NXPE2: variants seen among roughly 807,000 people sequenced by gnomAD.
The protein encoded by NXPE2 is NXPE family member 2.
In NXPE2, 34 loss-of-function variants were observed where a neutral mutation model predicts 34.4. That is an observed-to-expected ratio of 0.99 (90% CI 0.75 to 1.31). The LOEUF (loss-of-function observed/expected upper bound fraction) is 1.31, where lower values mean the gene tolerates loss of function less well. Among genes scored for constraint, NXPE2 ranks in the 40% most tolerant of loss-of-function variants. The pLI is 0.00. For missense variants in NXPE2, 649 were observed against 672.5 expected, an observed-to-expected ratio of 0.97 and a Z score of 0.39; for synonymous variants, 235 against 231.3, an observed-to-expected ratio of 1.02 and a Z score of -0.15.
chr11:114,781,596 G>T, the NXPE2 span, among the ~76,000 whole-genome samples: 5,983 of 152,212 alleles, frequency 0.039, 388 homozygotes, highest in African/African-American at 0.13. Context: ...TAGAAAATAT[G>T]ACCAGGGGCA....
the NXPE2 span, among the ~76,000 whole-genome samples, chr11:114,752,565 TAAAAG>T: frequency 2.0e-5 from 3 of 151,956 alleles, no homozygotes; most frequent in Admixed American, 6.6e-5. Context: ...TCCAGGGTGA[TAAAAG>T]AGGAGGTGCT....
At chr11:114,533,562 C>T in the NXPE2 span, among the ~76,000 whole-genome samples, 1 of 152,188 alleles carries the variant, frequency 6.6e-6, no homozygotes, top group Non-Finnish European at 1.5e-5. Flanking sequence ...CAGATGGCAC[C>T]TGGAAAATCG....
the NXPE2 span, among the ~76,000 whole-genome samples, chr11:114,565,007 C>A: frequency 1.3e-5 from 2 of 152,132 alleles, no homozygotes; most frequent in Non-Finnish European, 2.9e-5. Flanking sequence ...TTTCCAGGAA[C>A]CATTTGTATT....
chr11:114,551,773 A>T, the NXPE2 span, among the ~76,000 whole-genome samples: 1 of 152,146 alleles, frequency 6.6e-6, no homozygotes, highest in African/African-American at 2.4e-5. Context: ...AGATGATCCA[A>T]TAAGGCTGGG....
At chr11:114,638,377 T>G in the NXPE2 span, among the ~76,000 whole-genome samples, 3 of 152,148 alleles carry the variant, frequency 2.0e-5, no homozygotes, top group South Asian at 6.2e-4. Flanking sequence ...AAATTTTTTT[T>G]CAAAGTTTTT....
At chr11:114,522,036 C>T in the NXPE2 span, 72 of 1,613,738 alleles carry the variant, frequency 4.5e-5, no homozygotes, top group South Asian at 8.8e-5. Flanking sequence ...TGGATAGTGT[C>T]AGTGCCATAT....
At chr11:114,759,123 TTC>T in the NXPE2 span, among the ~76,000 whole-genome samples, 1 of 151,758 alleles carries the variant, frequency 6.6e-6, no homozygotes. Flanking sequence ...CTCTGTCTCT[TTC>T]TCTCTCTCTC....
intron 2 of NXPE2, among the ~76,000 whole-genome samples, chr11:114,685,741 A>G (rs1951033708): frequency 6.6e-6 from 1 of 152,070 alleles, no homozygotes; most frequent in Non-Finnish European, 1.5e-5. Flanking sequence ...TGCTACTACT[A>G]TTTTAAAGAG....
chr11:114,797,884 C>T, the NXPE2 span, among the ~76,000 whole-genome samples: 1 of 152,206 alleles, frequency 6.6e-6, no homozygotes. Context: ...AGTGTCAGAA[C>T]TAGACAAGTC....
At chr11:114,554,842 G>A in the NXPE2 span, among the ~76,000 whole-genome samples, 1 of 152,062 alleles carries the variant, frequency 6.6e-6, no homozygotes, top group Non-Finnish European at 1.5e-5. Context: ...TCCCATTCAG[G>A]TTCACAGGCC....
chr11:114,714,599 G>C, the NXPE2 span, among the ~76,000 whole-genome samples: 3 of 152,272 alleles, frequency 2.0e-5, no homozygotes, highest in East Asian at 5.8e-4. Context: ...CCACCTCTCG[G>C]CTCTGCAGTT....
chr11:114,533,320 C>A, the NXPE2 span, among the ~76,000 whole-genome samples: 1 of 152,118 alleles, frequency 6.6e-6, no homozygotes. Context: ...GCCAAGATGG[C>A]AGAATAAGAA....
the NXPE2 span, among the ~76,000 whole-genome samples, chr11:114,625,915 G>A: frequency 6.6e-6 from 1 of 152,164 alleles, no homozygotes; most frequent in African/African-American, 2.4e-5. Flanking sequence ...AGGGGTGACA[G>A]ACGGCACCTG....
the NXPE2 span, among the ~76,000 whole-genome samples, chr11:114,799,700 CAAGG>C: frequency 1.3e-5 from 2 of 152,182 alleles, no homozygotes; most frequent in African/African-American, 4.8e-5. Flanking sequence ...TAAACAGCAA[CAAGG>C]AAGTGTGAGG....
chr11:114,499,621 A>G, the NXPE2 span, among the ~76,000 whole-genome samples: 1 of 152,182 alleles, frequency 6.6e-6, no homozygotes, highest in East Asian at 1.9e-4. Flanking sequence ...TGAATTTTTT[A>G]ATGAAGTAAA....
chr11:114,667,484 C>T, the NXPE2 span, among the ~76,000 whole-genome samples: 2 of 151,986 alleles, frequency 1.3e-5, no homozygotes, highest in East Asian at 3.9e-4. Flanking sequence ...GAAGTGGAAC[C>T]CAATTCCCCA....
At chr11:114,543,550 A>G in the NXPE2 span, among the ~76,000 whole-genome samples, 7 of 152,136 alleles carry the variant, frequency 4.6e-5, no homozygotes, top group Middle Eastern at 0.01. Context: ...TAGATTGGTT[A>G]ACAAAGCCAA....
chr11:114,555,372 A>G, the NXPE2 span, among the ~76,000 whole-genome samples: 6 of 152,098 alleles, frequency 3.9e-5, no homozygotes, highest in Non-Finnish European at 8.8e-5. Context: ...TACAACAGGT[A>G]TGTGCCACCA....
chr11:114,583,398 GA>G, the NXPE2 span: 7 of 628,624 alleles, frequency 1.1e-5, no homozygotes, highest in South Asian at 1.5e-5. Flanking sequence ...GGTTTCTACT[GA>G]AAAATGGAAA....
Sources: gnomAD v4.1 joint callset for allele counts (sites outside exome capture counted in the v4.1 genomes callset) on GRCh38, gnomAD v4.1.1 for gene constraint, MANE v1.5 for transcripts, NCBI Gene and HGNC (gene_info 2026-07-23, HGNC 2026-07-21) for gene names.